NKAIN2: variants seen among roughly 807,000 people sequenced by gnomAD.
NKAIN2 encodes the protein sodium/potassium transporting ATPase interacting 2.
NKAIN2 carries 14 observed loss-of-function variants against 32.6 expected under a neutral mutation model. That is an observed-to-expected ratio of 0.43 (90% CI 0.28 to 0.67). The LOEUF is 0.67. Ranked by LOEUF, NKAIN2 falls within the 30% of genes least tolerant of loss-of-function variation. NKAIN2 has a pLI of 0.17. For missense variants in NKAIN2, 198 were observed against 258.3 expected (o/e 0.77, Z 1.60); for synonymous variants, 80 against 87.2 (o/e 0.92, Z 0.46).
chr6:123,803,983 A>T lies in NKAIN2; in HGVS notation c.-218A>T, dbSNP rs917195937. On this transcript the variant is annotated 5_prime_UTR_variant, in exon 1 of 7. An upstream start codon of the reference 5' UTR is lost. Transcript: ENST00000368417. ...GCGTGTGCACCGAGCGAGTGAAGGTATGTGTGGCGGGCGCGGCTGGAGCTG... is the reference window on the plus strand; with the variant it reads ...GCGTGTGCACCGAGCGAGTGAAGGTTTGTGTGGCGGGCGCGGCTGGAGCTG... Among the ~76,000 whole-genome samples the T allele has an allele frequency of 1.3e-5, 2 of 150,840 alleles. No individual in the cohort carries two copies. Among genetic ancestry groups the T allele is most frequent in the South Asian group, 2.1e-4 (1 of 4,772 alleles).
intron 1 of NKAIN2, among the ~76,000 whole-genome samples, chr6:123,971,501 T>TCTTTGTGTCAGTTTGGATGGAAACCTGA (rs1778340094): frequency 6.6e-6 from 1 of 152,156 alleles, no homozygotes; most frequent in African/African-American, 2.4e-5. Context: ...GTAGTCAATC[T>TCTTTGTGTCAGTTTGGATGGAAACCTGA]CTTTGTGTCA....
chr6:123,822,592 A>C (rs139871177), intron 1 of NKAIN2, among the ~76,000 whole-genome samples: 25 of 152,232 alleles, frequency 1.6e-4, no homozygotes, highest in African/African-American at 6.0e-4. Flanking sequence ...TAGAAGGGAG[A>C]CATGAGACTG....
At chr6:123,974,702 G>A in intron 1 of NKAIN2, among the ~76,000 whole-genome samples, 1 of 152,154 alleles carries the variant, frequency 6.6e-6, no homozygotes, top group Non-Finnish European at 1.5e-5. Context: ...AACACAGAGG[G>A]AAGATTATGC....
intron 4 of NKAIN2, among the ~76,000 whole-genome samples, chr6:124,687,496 A>G (rs1774007941): frequency 6.9e-5 from 2 of 28,950 alleles, no homozygotes; most frequent in Non-Finnish European, 2.7e-4. Context: ...TTCCATACAT[A>G]TACATACATG....
At chr6:124,750,240 C>T (rs1236035804) in intron 4 of NKAIN2, among the ~76,000 whole-genome samples, 8 of 151,998 alleles carry the variant, frequency 5.3e-5, no homozygotes, top group African/African-American at 1.9e-4. Context: ...CCTAGAGAAC[C>T]TCATTTTTCC....
At chr6:123,890,669 A>G (rs1773963391) in intron 1 of NKAIN2, among the ~76,000 whole-genome samples, 1 of 152,168 alleles carries the variant, frequency 6.6e-6, no homozygotes, top group Non-Finnish European at 1.5e-5. Flanking sequence ...AAATACAGCA[A>G]ACCCAGAAAG....
At chr6:124,578,986 A>T (rs1781430363) in intron 3 of NKAIN2, among the ~76,000 whole-genome samples, 1 of 152,224 alleles carries the variant, frequency 6.6e-6, no homozygotes. Context: ...AACTAAGACC[A>T]TCAGGGCAGC....
chr6:124,340,280 C>G (rs1335839505), intron 2 of NKAIN2, among the ~76,000 whole-genome samples: 1 of 152,144 alleles, frequency 6.6e-6, no homozygotes, highest in Non-Finnish European at 1.5e-5. Context: ...ATGAATTACA[C>G]ATCTACATCT....
chr6:124,461,855 C>G (rs1776544438), intron 3 of NKAIN2, among the ~76,000 whole-genome samples: 1 of 151,382 alleles, frequency 6.6e-6, no homozygotes, highest in South Asian at 2.1e-4. Context: ...TTGTGAATTC[C>G]TTTTTCCATC....
intron 1 of NKAIN2, among the ~76,000 whole-genome samples, chr6:123,826,241 A>G (rs1376595343): frequency 6.6e-6 from 1 of 152,212 alleles, no homozygotes; most frequent in Admixed American, 6.6e-5. Context: ...AATCTGAAAT[A>G]TAAAAATATA....
chr6:124,381,102 A>C (rs1027099939), intron 3 of NKAIN2, among the ~76,000 whole-genome samples: 1 of 152,226 alleles, frequency 6.6e-6, no homozygotes, highest in Non-Finnish European at 1.5e-5. Context: ...AAGATGTGAC[A>C]AAAGTATAAT....
intron 3 of NKAIN2, among the ~76,000 whole-genome samples, chr6:124,602,342 A>G (rs779447551): frequency 1.3e-5 from 2 of 151,940 alleles, no homozygotes; most frequent in Non-Finnish European, 2.9e-5. Context: ...TGTATTTTGT[A>G]TTTAAAATTT....
At chr6:124,789,619 CTA>C (rs1350680951) in intron 4 of NKAIN2, among the ~76,000 whole-genome samples, 1 of 151,832 alleles carries the variant, frequency 6.6e-6, no homozygotes. Flanking sequence ...GCTCAAATCA[CTA>C]TGTGATTTGA....
chr6:124,798,094 T>C (rs1413862463), intron 5 of NKAIN2, among the ~76,000 whole-genome samples: 1 of 128,424 alleles, frequency 7.8e-6, no homozygotes, highest in East Asian at 2.3e-4. Flanking sequence ...TATCTATCTA[T>C]CTATCTATCT....
At chr6:124,198,931 G>A (rs187400029) in intron 1 of NKAIN2, among the ~76,000 whole-genome samples, 1 of 152,164 alleles carries the variant, frequency 6.6e-6, no homozygotes, top group East Asian at 1.9e-4. Context: ...TTTATTGTTT[G>A]GTTGTGTGGG....
intron 2 of NKAIN2, among the ~76,000 whole-genome samples, chr6:124,328,700 C>T (rs1797522623): frequency 6.6e-6 from 1 of 152,176 alleles, no homozygotes; most frequent in Admixed American, 6.5e-5. Flanking sequence ...TGAGCATATA[C>T]ATCCAAAATT....
chr6:124,725,154 C>T (rs1322140662), intron 4 of NKAIN2, among the ~76,000 whole-genome samples: 1 of 152,200 alleles, frequency 6.6e-6, no homozygotes, highest in South Asian at 2.1e-4. Flanking sequence ...CTTTGAATTA[C>T]CTAGAATATC....
At chr6:124,032,493 G>A (rs184052526) in intron 1 of NKAIN2, among the ~76,000 whole-genome samples, 2 of 151,912 alleles carry the variant, frequency 1.3e-5, no homozygotes, top group Admixed American at 6.6e-5. Flanking sequence ...AGAACTTAAT[G>A]TAATGAAAGT....
chr6:124,655,073 G>A (rs182058294), intron 3 of NKAIN2, among the ~76,000 whole-genome samples: 171 of 152,028 alleles, frequency 1.1e-3, no homozygotes, highest in Non-Finnish European at 2.1e-3. Context: ...TGAAATTATG[G>A]AAGAAAAATC....
Sources: allele counts gnomAD v4.1 joint callset (sites outside exome capture counted in the v4.1 genomes callset), GRCh38; gene constraint gnomAD v4.1.1; transcripts MANE v1.5; gene names NCBI Gene and HGNC (gene_info 2026-07-23, HGNC 2026-07-21).